B3GNT3: variants seen among roughly 807,000 people sequenced by gnomAD.
The protein encoded by B3GNT3 is N-acetyllactosaminide beta-1,3-N-acetylglucosaminyltransferase 3.
A neutral mutation model predicts 11.6 loss-of-function variants in B3GNT3; 7 were observed. That is an observed-to-expected ratio of 0.60 (90% CI 0.34 to 1.13). The LOEUF is 1.13. Ranked by LOEUF, B3GNT3 falls within the 50% of genes most tolerant of loss-of-function variation. The probability of loss-of-function intolerance (pLI) is 0.03; values close to 1 mark genes in which losing one functional copy is unlikely to be tolerated. For missense variants in B3GNT3, 400 were observed against 507.4 expected, an observed-to-expected ratio of 0.79 and a Z score of 2.03; for synonymous variants, 201 against 222.1, an observed-to-expected ratio of 0.90 and a Z score of 0.85.
chr19:17,800,657 CTTG>C (rs1721522615), intron 1 of B3GNT3, among the ~76,000 whole-genome samples: 2 of 152,058 alleles, frequency 1.3e-5, no homozygotes, highest in Admixed American at 1.3e-4. Context: ...CTGTTTGTGG[CTTG>C]TTAATATTCC....
At position 17,811,564 on chromosome 19, in the gene B3GNT3, C is replaced by T. The variant is rs753889116; in HGVS notation, c.568-7C>T. 46 of 1,603,692 alleles carry T rather than the reference C, an allele frequency of 2.9e-5. No homozygotes were observed. Among genetic ancestry groups the T allele is most frequent in the Non-Finnish European group, 3.7e-5 (44 of 1,173,574 alleles). On this transcript the variant is annotated splice_polypyrimidine_tract_variant and splice_region_variant and intron_variant, in intron 2 of 2. Coordinates refer to ENST00000318683, the MANE Select transcript of B3GNT3 (RefSeq NM_014256.4). This position sits in a 1 kb window ranked among gnomAD's most constrained non-coding sequence, Gnocchi z 4.1. ...AAGCAAGCATGCCCTGTCCACCCTG[C>T]CTGCAGGTCCTGTTCTTACAGTGGC...
At chr19:17,798,796 G>A (rs575044112) in intron 1 of B3GNT3, among the ~76,000 whole-genome samples, 10 of 152,034 alleles carry the variant, frequency 6.6e-5, no homozygotes, top group Non-Finnish European at 1.0e-4. Context: ...GCAACATAGC[G>A]AGACCCATCT....
In B3GNT3 at chr19:17,812,173, C is replaced by T. The variant is rs550185759; in HGVS notation, c.*51C>T. On this transcript the variant is annotated 3_prime_UTR_variant, in exon 3 of 3. Transcript: ENST00000318683. Reference sequence around the variant, plus strand: ...GGGCTCCTGTTTCCATAGGAAGGGGCGACACCTTCCTCCCAGGAAGCTGAG... The same window carrying T: ...GGGCTCCTGTTTCCATAGGAAGGGGTGACACCTTCCTCCCAGGAAGCTGAG... The T allele has an allele frequency of 3.1e-5, 46 of 1,500,218 alleles. No homozygotes were observed. The highest frequency in any genetic ancestry group is 7.0e-5 in the African/African-American group (5 of 71,880). 92.9% of individuals were successfully genotyped at this position (1,500,218 alleles called of 1,614,324 possible).
chr19:17,808,134 G>C lies in B3GNT3; in HGVS notation c.327G>C (p.Leu109=). The stretch of plus-strand genomic sequence containing the variant: ...CTAAGTGCGCGCAGCCGGTCTTCCT[G>C]CTGCTGGTGATCAAGTCCTCCCCTA... The part of the protein sequence containing the change: ...PPSKCAQPVF[L]LLVIKSSPSN... The change falls in exon 2 of 3, where the codon CTG becomes CTC. Residue 109 remains leucine, a synonymous_variant. Transcript: ENST00000318683. 1 of 1,613,706 alleles carries C rather than the reference G, an allele frequency of 6.2e-7. No individual in the cohort carries two copies. Among genetic ancestry groups the C allele is most frequent in the Non-Finnish European group, 8.5e-7 (1 of 1,179,876 alleles).
upstream of B3GNT3, chr19:17,794,968 A>T (rs896888758): frequency 6.6e-6 from 1 of 152,526 alleles, no homozygotes; most frequent in Non-Finnish European, 1.5e-5. Context: ...GGGAAGAGGC[A>T]TGGCCGGGGA....
chr19:17,809,962 G>C (rs974694698), intron 2 of B3GNT3, among the ~76,000 whole-genome samples: 1 of 152,092 alleles, frequency 6.6e-6, no homozygotes, highest in African/African-American at 2.4e-5. Context: ...TCTGGTAGCT[G>C]TTTCTCTGCG....
chr19:17,797,308 A>G (rs1419886919), intron 1 of B3GNT3, among the ~76,000 whole-genome samples: 1 of 152,194 alleles, frequency 6.6e-6, no homozygotes, highest in East Asian at 1.9e-4. Flanking sequence ...AGCTCTAAGT[A>G]CAAGACTTGG....
At chr19:17,804,454 G>A (rs1380668440) in intron 1 of B3GNT3, among the ~76,000 whole-genome samples, 3 of 146,538 alleles carry the variant, frequency 2.0e-5, no homozygotes, top group Non-Finnish European at 4.5e-5. Context: ...TGGCCAGGCT[G>A]ATCTCGAACT....
Position 17,812,406 on chromosome 19 carries a change from G to A in B3GNT3, c.*284G>A. The A allele has an allele frequency of 4.9e-6, 2 of 409,276 alleles. No individual in the cohort carries two copies. Among genetic ancestry groups the A allele is most frequent in the Non-Finnish European group, 4.4e-6 (1 of 225,970 alleles). 25.4% of individuals were successfully genotyped at this position (409,276 alleles called of 1,614,324 possible). On this transcript the variant is annotated 3_prime_UTR_variant, in exon 3 of 3. Transcript: ENST00000318683. ...AAGTGCCTGTGCTAGAGTTCCAACT[G>A]TGGATGCATCCGTCCCGTTTGAGTC...
chr19:17,808,812 C>T lies in B3GNT3; in HGVS notation c.567+438C>T, dbSNP rs991601650. On this transcript the variant is annotated intron_variant, in intron 2 of 2. Coordinates refer to ENST00000318683, the MANE Select transcript of B3GNT3 (RefSeq NM_014256.4). ...GATGTCCAACTCAACTTGGCAATGA[C>T]GGGGGACACATCTCCTTGTTTATTT... Among the ~76,000 whole-genome samples, 5 of 152,170 alleles carry T rather than the reference C, an allele frequency of 3.3e-5. No homozygotes were observed. The South Asian group carries it at 8.3e-4, about 25-fold the overall frequency.
intron 1 of B3GNT3, among the ~76,000 whole-genome samples, chr19:17,799,338 G>A (rs1011373548): frequency 5.5e-5 from 8 of 144,940 alleles, no homozygotes; most frequent in Non-Finnish European, 1.0e-4. Context: ...GCGCAATCTC[G>A]GCTCCCTGTA....
At position 17,813,093 on chromosome 19, in the gene B3GNT3, T is replaced by TA. The variant is rs2094183335; in HGVS notation, c.*971_*972insA. 3 of 152,052 alleles carry TA rather than the reference T, an allele frequency of 2.0e-5. No individual in the cohort carries two copies. The highest frequency in any genetic ancestry group is 2.0e-4 in the Admixed American group (3 of 15,238). The allele number at this position is 152,052 out of a possible 1,614,324, so 9.4% of individuals were successfully genotyped here. ...TTGTGAAGACTTGGAGATCTTTTTT[T>TA]TTTTTTAAGCAAATTTACAAGTTTC... On this transcript the variant is annotated 3_prime_UTR_variant, in exon 3 of 3. Coordinates refer to ENST00000318683, the MANE Select transcript of B3GNT3 (RefSeq NM_014256.4).
intron 2 of B3GNT3, among the ~76,000 whole-genome samples, chr19:17,810,674 G>A (rs1362179088): frequency 2.6e-5 from 4 of 151,928 alleles, no homozygotes; most frequent in African/African-American, 7.3e-5. Flanking sequence ...CTGAGGTCAG[G>A]AGTTCAAGAC....
At chr19:17,796,975 C>CT (rs1487519266) in intron 1 of B3GNT3, among the ~76,000 whole-genome samples, 3 of 152,152 alleles carry the variant, frequency 2.0e-5, no homozygotes, top group Non-Finnish European at 4.4e-5. Context: ...GCCTTGATTG[C>CT]TCCTCATGAT....
chr19:17,806,077 C>T (rs1227181311), intron 1 of B3GNT3, among the ~76,000 whole-genome samples: 6 of 152,142 alleles, frequency 3.9e-5, no homozygotes, highest in African/African-American at 1.4e-4. Flanking sequence ...AAGTGATTTT[C>T]CTGCCTCAGC....
Position 17,808,285 on chromosome 19 carries a change from A to G in B3GNT3, c.478A>G (p.Asn160Asp), listed in dbSNP as rs768078189. ...CAACCCGCACGAGGCCCGCAAGGTC[A>G]ACCGGCTGCTGGAGCTGGAGGCACA... ...ASNPHEARKV[N>D]RLLELEAQTH... Residue 160 changes from asparagine (N) to aspartate (D), a missense_variant, in exon 2 of 3, where the codon AAC (asparagine) becomes GAC (aspartate). By Grantham distance (23) the Asn-to-Asp change is conservative (BLOSUM62 1). Coordinates refer to ENST00000318683, the MANE Select transcript of B3GNT3 (RefSeq NM_014256.4). 2 of 1,613,474 alleles carry G rather than the reference A, an allele frequency of 1.2e-6. No individual in the cohort carries two copies. Among genetic ancestry groups the G allele is most frequent in the South Asian group, 2.2e-5 (2 of 91,080 alleles).
chr19:17,803,306 A>C (rs2270157), intron 1 of B3GNT3, among the ~76,000 whole-genome samples: 2,440 of 152,186 alleles, frequency 0.016, 80 homozygotes, highest in East Asian at 0.14. Flanking sequence ...GCTCCCGGCC[A>C]TGTTTAAGGA....
chr19:17,808,183 C>G lies in B3GNT3; in HGVS notation c.376C>G (p.Leu126Val). 6.2e-7 allele frequency: 1 copy of G among 1,610,704 alleles called. No individual in the cohort carries two copies. Among genetic ancestry groups the G allele is most frequent in the Non-Finnish European group, 8.5e-7 (1 of 1,178,112 alleles). Residue 126 changes from leucine to valine, a missense_variant, in exon 2 of 3, where the codon CTG becomes GTG. Transcript: ENST00000318683. ...TAGCAACTATGTGCGCCGCGAGCTG[C>G]TGCGGCGCACGTGGGGCCGCGAGCG... ...SPSNYVRRELLRRTWGRERKV... is the reference protein window; with the variant it reads ...SPSNYVRRELVRRTWGRERKV...
Position 17,811,070 on chromosome 19 carries a change from A to G in B3GNT3, c.568-501A>G, listed in dbSNP as rs1332457735. Among the ~76,000 whole-genome samples the G allele has an allele frequency of 6.6e-6, 1 of 150,882 alleles. No homozygotes were observed. The highest frequency in any genetic ancestry group is 1.5e-5 in the Non-Finnish European group (1 of 67,786). ...AAAAAAAAAAAAATTATTAGCCAGG[A>G]GTAAGTAGCGGCATGTGTCTGTAGT... On this transcript the variant is annotated intron_variant, in intron 2 of 2. Transcript: ENST00000318683. The surrounding 1 kb of genome is among the most constrained non-coding windows in gnomAD (Gnocchi z 4.1).
Sources: gnomAD v4.1 joint callset for allele counts (sites outside exome capture counted in the v4.1 genomes callset) on GRCh38, gnomAD v4.1.1 for gene constraint, Gnocchi (gnomAD v3.1) non-coding constraint, MANE v1.5 for transcripts, NCBI Gene and HGNC (gene_info 2026-07-23, HGNC 2026-07-21) for gene names.